The following GREB1 variants were observed in gnomAD, a reference collection of about 807,000 sequenced individuals.
GREB1 encodes growth regulating estrogen receptor binding 1.
Under a neutral mutation model 200.7 loss-of-function variants are expected in GREB1, and 106 were observed. That is an observed-to-expected ratio of 0.53 (90% confidence interval 0.45 to 0.62). The LOEUF (loss-of-function observed/expected upper bound fraction) is 0.62, where lower values mean the gene tolerates loss of function less well. Ranked by LOEUF, GREB1 falls within the 20% of genes least tolerant of loss-of-function variation. The pLI is 0.00. For synonymous variants in GREB1, 1,132 were observed against 1,092.4 expected (o/e 1.04, Z -0.72); for missense variants, 2,243 against 2,556.8 (o/e 0.88, Z 2.65).
intron 14 of GREB1, 58 bp from the exon 15 acceptor site, chr2:11,598,622 G>A: frequency 1.3e-6 from 2 of 1,496,244 alleles, no homozygotes; most frequent in African/African-American, 1.4e-5. Flanking sequence ...TGTCTGTTGA[G>A]TGAATGAAAC....
At chr2:11,518,539 G>T (rs1403678586) in intron 1 of GREB1, among the ~76,000 whole-genome samples, 1 of 151,918 alleles carries the variant, frequency 6.6e-6, no homozygotes, top group East Asian at 1.9e-4. Context: ...GGTAGGGGGT[G>T]GGGGTGTGTG....
rs1672822670 is a variant in GREB1 at position 11,493,917 on chromosome 2, G to A, written c.-159+11536G>A. On this transcript the variant is annotated intron_variant, in intron 1 of 2. Transcript: ENST00000628795. This position sits in a 1 kb window ranked among gnomAD's most constrained non-coding sequence, Gnocchi z 4.6. ...CAGGTTTAGAGAGGGTAGAATTTGAGCTGGTGTGTTTGGGGGCTTAGGAGA... is the reference window on the plus strand; with the variant it reads ...CAGGTTTAGAGAGGGTAGAATTTGAACTGGTGTGTTTGGGGGCTTAGGAGA... Among the ~76,000 whole-genome samples, 1 of 152,184 alleles carries A rather than the reference G, an allele frequency of 6.6e-6. No homozygotes were observed.
chr2:11,639,057 C>T (rs972172973), intron 32 of GREB1, among the ~76,000 whole-genome samples: 7 of 152,110 alleles, frequency 4.6e-5, no homozygotes, highest in South Asian at 2.1e-4. Context: ...AGATGAATTG[C>T]GGACATTTTT....
intron 19 of GREB1, among the ~76,000 whole-genome samples, 187 bp downstream of exon 19, chr2:11,612,797 C>G (rs934088903): frequency 6.6e-6 from 1 of 152,208 alleles, no homozygotes; most frequent in Non-Finnish European, 1.5e-5. Context: ...AGGCCCGTGC[C>G]CCTTCTCCTG....
chr2:11,636,635 G>T (rs1341895384), intron 30 of GREB1, among the ~76,000 whole-genome samples: 1 of 152,212 alleles, frequency 6.6e-6, no homozygotes, highest in African/African-American at 2.4e-5. Context: ...TGTGTGTCGC[G>T]GGGAGACCTG....
At chr2:11,634,507 A>T (rs1685150019) in intron 29 of GREB1, among the ~76,000 whole-genome samples, 158 bp downstream of exon 29, 1 of 152,206 alleles carries the variant, frequency 6.6e-6, no homozygotes, top group Admixed American at 6.5e-5. Context: ...AATTTTGAGT[A>T]TTCGCAGATC....
intron 1 of GREB1, among the ~76,000 whole-genome samples, chr2:11,524,966 C>T (rs1673823140): frequency 6.6e-6 from 1 of 152,186 alleles, no homozygotes; most frequent in South Asian, 2.1e-4. Flanking sequence ...TTTCATCCCT[C>T]ATGTTTCTCT....
intron 15 of GREB1, among the ~76,000 whole-genome samples, chr2:11,599,369 T>C (rs563114612): frequency 2.0e-5 from 3 of 148,728 alleles, no homozygotes; most frequent in African/African-American, 7.5e-5. Context: ...AGACGGAGTC[T>C]CACTCTGTCG....
Position 11,629,826 on chromosome 2 carries a change from T to C in GREB1, c.4450-122T>C. The C allele has an allele frequency of 1.0e-6, 1 of 980,454 alleles. No homozygotes were observed. The highest frequency in any genetic ancestry group is 1.6e-5 in the South Asian group (1 of 63,032). 60.7% of individuals were successfully genotyped at this position (980,454 alleles called of 1,614,324 possible). ...TTGCACTGGAGTCACCCCGTGGGTT[T>C]CTTGTGCTGTAGGGAAGTGGTGACT... is the stretch of plus-strand genomic sequence containing the variant. On this transcript the variant is annotated intron_variant, in intron 25 of 32. Coordinates refer to ENST00000381486, the MANE Select transcript of GREB1 (RefSeq NM_014668.4). The surrounding 1 kb of genome is among the most constrained non-coding windows in gnomAD (Gnocchi z 5.2).
At chr2:11,567,190 T>C (rs1235428370) in intron 4 of GREB1, among the ~76,000 whole-genome samples, 1 of 152,152 alleles carries the variant, frequency 6.6e-6, no homozygotes, top group Non-Finnish European at 1.5e-5. Flanking sequence ...GTGTTTACTG[T>C]CTCAGCTCAC....
intron 1 of GREB1, among the ~76,000 whole-genome samples, chr2:11,550,092 G>A (rs892159708): frequency 2.0e-5 from 3 of 152,062 alleles, no homozygotes; most frequent in East Asian, 1.9e-4. Context: ...GGTGGCGGGC[G>A]CCTGTAATCC....
At chr2:11,557,065 A>C (rs967466097) in intron 2 of GREB1, among the ~76,000 whole-genome samples, 3 of 152,246 alleles carry the variant, frequency 2.0e-5, no homozygotes, top group Non-Finnish European at 4.4e-5. Flanking sequence ...TGACATTTTC[A>C]CTTGGAAAAG....
At position 11,556,711 on chromosome 2, in the gene GREB1, C is replaced by T. The variant is rs746393853; in HGVS notation, c.97C>T (p.Pro33Ser). The stretch of plus-strand genomic sequence containing the variant: ...ATCCCTGCGGTCCAACAACCTGGTG[C>T]CCAGGCCCATCTTTTCCCAGCTGTA... Reference protein sequence around the residue: ...EASLRSNNLVPRPIFSQLYLE... With the variant: ...EASLRSNNLVSRPIFSQLYLE... Residue 33 changes from proline (P) to serine (S), a missense_variant, in exon 2 of 33, where the codon CCC (proline) becomes TCC (serine). By Grantham distance (74) the Pro-to-Ser change is moderately conservative (BLOSUM62 -1). Transcript: ENST00000381486. The T allele has an allele frequency of 5.0e-6, 8 of 1,614,048 alleles. No individual in the cohort carries two copies. The highest frequency in any genetic ancestry group is 4.5e-5 in the East Asian group (2 of 44,886).
In GREB1 at chr2:11,618,924, G is replaced by A. The variant is rs755166167; in HGVS notation, c.4044+5G>A. ...CTGCTCAGCGGCCCCCCTCAGGTGA[G>A]TGTTGCTCGCTGCCCCAGCACAGCC... On this transcript the variant is annotated splice_donor_5th_base_variant and intron_variant, in intron 22 of 32. Coordinates refer to ENST00000381486, the MANE Select transcript of GREB1 (RefSeq NM_014668.4). The A allele has an allele frequency of 6.7e-7, 1 of 1,494,866 alleles. No homozygotes were observed. Among genetic ancestry groups the A allele is most frequent in the Admixed American group, 2.1e-5 (1 of 47,388 alleles). 92.6% of individuals were successfully genotyped at this position (1,494,866 alleles called of 1,614,324 possible). A position where few individuals can be genotyped will look rare whatever the true frequency, so the allele number is the denominator to read the frequency against.
intron 1 of GREB1, among the ~76,000 whole-genome samples, chr2:11,544,496 G>A (rs1027055321): frequency 1.1e-4 from 17 of 152,100 alleles, no homozygotes; most frequent in African/African-American, 3.9e-4. Flanking sequence ...GATTACAGCC[G>A]TGAGCCACTG....
At chr2:11,559,525 G>A (rs1442772417) in intron 2 of GREB1, among the ~76,000 whole-genome samples, 2 of 152,142 alleles carry the variant, frequency 1.3e-5, no homozygotes, top group East Asian at 1.9e-4. Context: ...AGGCATTCCC[G>A]GGTGTGCCCT....
chr2:11,538,910 C>CCTTCCCCCTTCCCTCCCCTCCTGT (rs1491417613), intron 1 of GREB1, among the ~76,000 whole-genome samples: 1 of 20,332 alleles, frequency 4.9e-5, no homozygotes, highest in Non-Finnish European at 1.5e-4. Flanking sequence ...TTCCTTCCTT[C>CCTTCCCCCTTCCCTCCCCTCCTGT]CCCCTCCCCT....
intron 1 of GREB1, among the ~76,000 whole-genome samples, chr2:11,483,956 CAATA>C (rs1170363197): frequency 6.6e-6 from 1 of 152,152 alleles, no homozygotes; most frequent in Non-Finnish European, 1.5e-5. Context: ...CCCTTTAAAA[CAATA>C]AATGTGTAAA....
chr2:11,632,182 A>G (rs1684928578), intron 27 of GREB1, 69 bp downstream of exon 27: 1 of 1,128,618 alleles, frequency 8.9e-7, no homozygotes, highest in African/African-American at 1.5e-5. Context: ...AGTGTTCTAG[A>G]GACAAAAGTT....
Sources: gnomAD v4.1 joint callset for allele counts (sites outside exome capture counted in the v4.1 genomes callset) on GRCh38, gnomAD v4.1.1 for gene constraint, Gnocchi (gnomAD v3.1) non-coding constraint, MANE v1.5 for transcripts, NCBI Gene and HGNC (gene_info 2026-07-23, HGNC 2026-07-21) for gene names.